DHRS7: variants seen among roughly 807,000 people sequenced by gnomAD.
The protein encoded by DHRS7 is dehydrogenase/reductase SDR family member 7.
DHRS7 carries 34 observed loss-of-function variants against 38.9 expected under a neutral mutation model. The ratio of observed to expected loss-of-function variants is 0.87; its 90% CI spans 0.66 to 1.16. The LOEUF (loss-of-function observed/expected upper bound fraction) is 1.16, where lower values mean the gene tolerates loss of function less well. DHRS7 is among the 50% of genes most tolerant of loss of function. DHRS7 has a pLI of 0.00. For synonymous variants in DHRS7, 158 were observed against 153.1 expected (o/e 1.03, Z -0.24); for missense variants, 421 against 407.0 (o/e 1.03, Z -0.30).
Position 60,153,138 on chromosome 14 carries a change from G to A in DHRS7, c.434C>T (p.Ser145Phe). 1 of 1,614,118 alleles carries A rather than the reference G, an allele frequency of 6.2e-7. No homozygotes were observed. The highest frequency in any genetic ancestry group is 8.5e-7 in the Non-Finnish European group (1 of 1,179,996). The change falls in exon 4 of 7, where the codon TCT becomes TTT. Residue 145 changes from serine to phenylalanine, a missense_variant. Ser to Phe is a radical substitution (Grantham distance 155, BLOSUM62 -2). Coordinates refer to ENST00000557185, the MANE Select transcript of DHRS7 (RefSeq NM_016029.4). The surrounding 1 kb of genome is among the most constrained non-coding windows in gnomAD (Gnocchi z 4.4). ...LVNNGGMSQR[S>F]LCMDTSLDVY... ...ATCCAAGCTGGTATCCATGCACAGA[G>A]AACGCTGGGACATTCCACCATTGTT...
Position 60,149,479 on chromosome 14 carries a change from T to C in DHRS7, c.846A>G (p.Lys282=). 4.3e-6 allele frequency: 7 copies of C among 1,614,190 alleles called. No individual in the cohort carries two copies. The highest frequency in any genetic ancestry group is 5.9e-6 in the Non-Finnish European group (7 of 1,180,030). The change falls in exon 6 of 7, where the codon AAA becomes AAG. Residue 282 remains lysine, a synonymous_variant. Coordinates refer to ENST00000557185, the MANE Select transcript of DHRS7 (RefSeq NM_016029.4). ...LMLISMANDL[K]EVWISEQPFL... is the part of the protein sequence containing the mutation. The stretch of plus-strand genomic sequence containing the variant: ...AAGGTTGTTCTGAGATCCAAACTTC[T>C]TTCAAATCATTGGCCATGCTGATTA...
chr14:60,153,903 A>C lies in DHRS7; in HGVS notation c.393+56T>G. The C allele has an allele frequency of 3.7e-4, 511 of 1,392,142 alleles. No homozygotes were observed. Among genetic ancestry groups the C allele is most frequent in the Non-Finnish European group, 4.8e-4 (471 of 979,226 alleles). 86.2% of individuals were successfully genotyped at this position (1,392,142 alleles called of 1,614,324 possible). On this transcript the variant is annotated intron_variant, in intron 3 of 6. Transcript: ENST00000557185. The surrounding 1 kb of genome is among the most constrained non-coding windows in gnomAD (Gnocchi z 4.4). ...TTTGTATGACAGCACCACGGATGGG[A>C]ATCTCTTCTGCAGTTACTTCAAAGC...
upstream of DHRS7, chr14:60,166,118 C>G (rs1896864226): frequency 1.5e-6 from 1 of 654,294 alleles, no homozygotes; most frequent in Non-Finnish European, 1.9e-6. Context: ...TACTCTAATA[C>G]ACAAAAGAGT....
At position 60,153,916 on chromosome 14, in the gene DHRS7, G is replaced by C. The variant is rs765278184; in HGVS notation, c.393+43C>G. 6.4e-7 allele frequency: 1 copy of C among 1,555,496 alleles called. No homozygotes were observed. The highest frequency in any genetic ancestry group is 8.9e-7 in the Non-Finnish European group (1 of 1,127,358). ...ACCACGGATGGGAATCTCTTCTGCA[G>C]TTACTTCAAAGCAAGACTATATCAA... On this transcript the variant is annotated intron_variant, in intron 3 of 6. Coordinates refer to ENST00000557185, the MANE Select transcript of DHRS7 (RefSeq NM_016029.4). This position sits in a 1 kb window ranked among gnomAD's most constrained non-coding sequence, Gnocchi z 4.4.
chr14:60,157,769 G>T (rs548751129), intron 1 of DHRS7, among the ~76,000 whole-genome samples: 2 of 148,696 alleles, frequency 1.3e-5, no homozygotes, highest in South Asian at 2.2e-4. Context: ...AAACACCCAA[G>T]AACCCTGGCA....
chr14:60,165,590 T>A, upstream of DHRS7: 1 of 1,228,072 alleles, frequency 8.1e-7, no homozygotes. This position sits in a 1 kb window ranked among gnomAD's most constrained non-coding sequence, Gnocchi z 4.6. Flanking sequence ...CTGGGCAACA[T>A]GAGGAAACCC....
chr14:60,150,872 A>G (rs909020366), intron 4 of DHRS7, among the ~76,000 whole-genome samples: 1 of 152,290 alleles, frequency 6.6e-6, no homozygotes, highest in Non-Finnish European at 1.5e-5. Flanking sequence ...CTTCCCATCA[A>G]TGATTTTTAT....
intron 1 of DHRS7, among the ~76,000 whole-genome samples, chr14:60,157,500 A>G (rs773399504): frequency 3.3e-5 from 5 of 152,250 alleles, no homozygotes; most frequent in African/African-American, 1.2e-4. Context: ...AGAGTTACCA[A>G]TTCTAATGGC....
rs961801418 is a variant in DHRS7 at position 60,144,469 on chromosome 14, C to T, written c.*497G>A. 9.7e-5 allele frequency: 15 copies of T among 155,062 alleles called. No homozygotes were observed. Among genetic ancestry groups the T allele is most frequent in the African/African-American group, 3.6e-4 (15 of 41,430 alleles). 9.6% of individuals were successfully genotyped at this position (155,062 alleles called of 1,614,324 possible). On this transcript the variant is annotated 3_prime_UTR_variant, in exon 7 of 7. Transcript: ENST00000557185. ...TTGAAAGCATTTTGCTCCTCTTTCC[C>T]TTCTGTCCCTTCCACCATGTGAGGA... is the stretch of plus-strand genomic sequence containing the variant.
At chr14:60,169,157 A>AAAAAAAAAAAAAAAAAAAC (rs1566539386), upstream of DHRS7, 13 of 150,226 alleles carry the variant, frequency 8.7e-5, 1 homozygote, top group East Asian at 1.5e-3. Flanking sequence ...AAAAAAAAAA[A>AAAAAAAAAAAAAAAAAAAC]AAAACCATTG....
chr14:60,168,649 T>G (rs1222948380), upstream of DHRS7: 4 of 1,518,342 alleles, frequency 2.6e-6, no homozygotes, highest in Non-Finnish European at 3.5e-6. Flanking sequence ...CTAAAACTGA[T>G]CAATGCTTTT....
intron 1 of DHRS7, among the ~76,000 whole-genome samples, chr14:60,157,928 T>G (rs551114779): frequency 3.9e-5 from 6 of 152,164 alleles, no homozygotes; most frequent in Admixed American, 2.6e-4. Context: ...AAGAAAAAGG[T>G]TCCATGTAAA....
In DHRS7 at chr14:60,145,944, A is replaced by G. The variant is rs1896395286; in HGVS notation, c.973-931T>C. ...CAGACTAAAGAAGCAAATTCTAGTT[A>G]ACAAGTACTATTAGCTTGAAATAAG... On this transcript the variant is annotated intron_variant, in intron 6 of 6. Coordinates refer to ENST00000557185, the MANE Select transcript of DHRS7 (RefSeq NM_016029.4). This position sits in a 1 kb window ranked among gnomAD's most constrained non-coding sequence, Gnocchi z 4.0. The G allele has an allele frequency of 6.6e-6, 1 of 151,460 alleles. No homozygotes were observed. 9.4% of individuals were successfully genotyped at this position (151,460 alleles called of 1,614,324 possible).
At chr14:60,155,392 T>A (rs1158388114) in intron 2 of DHRS7, among the ~76,000 whole-genome samples, 1 of 152,168 alleles carries the variant, frequency 6.6e-6, no homozygotes, top group African/African-American at 2.4e-5. Flanking sequence ...GAAGTTGCAA[T>A]GAGCCAAGAT....
At chr14:60,158,232 G>GA (rs34207942) in intron 1 of DHRS7, among the ~76,000 whole-genome samples, 20,527 of 82,364 alleles carry the variant, frequency 0.25, 2,727 homozygotes, top group African/African-American at 0.37. Flanking sequence ...GACTCTGTCG[G>GA]AAAAAAAAAA....
At chr14:60,167,973 G>A (rs1229120779), upstream of DHRS7, among the ~76,000 whole-genome samples, 5 of 152,286 alleles carry the variant, frequency 3.3e-5, no homozygotes, top group Non-Finnish European at 1.5e-5. Flanking sequence ...GTGGAGAGGA[G>A]CTCTGCAATC....
At chr14:60,159,153 A>T (rs190035839) in intron 1 of DHRS7, 41 of 385,662 alleles carry the variant, frequency 1.1e-4, no homozygotes, top group African/African-American at 7.4e-4. Flanking sequence ...CAGCTTATTA[A>T]TCAAGTGTTG....
chr14:60,164,476 G>T (rs969592024), intron 1 of DHRS7, among the ~76,000 whole-genome samples: 1 of 152,082 alleles, frequency 6.6e-6, no homozygotes, highest in African/African-American at 2.4e-5. Context: ...TGCCTACCTT[G>T]TAAGAGTTGT....
At position 60,145,713 on chromosome 14, in the gene DHRS7, T is replaced by G. The variant is rs1270315871; in HGVS notation, c.973-700A>C. 1 of 152,110 alleles carries G rather than the reference T, an allele frequency of 6.6e-6. No homozygotes were observed. Among genetic ancestry groups the G allele is most frequent in the Non-Finnish European group, 1.5e-5 (1 of 68,012 alleles). 9.4% of individuals were successfully genotyped at this position (152,110 alleles called of 1,614,324 possible). ...AGAAAAAAAAATTATTTGTGAACTT[T>G]TTGTATATTGCTTAAGGAATAAAAC... On this transcript the variant is annotated intron_variant, in intron 6 of 6. Transcript: ENST00000557185. The surrounding 1 kb of genome is among the most constrained non-coding windows in gnomAD (Gnocchi z 4.0).
Sources: gnomAD v4.1 joint callset for allele counts (sites outside exome capture counted in the v4.1 genomes callset) on GRCh38, gnomAD v4.1.1 for gene constraint, Gnocchi (gnomAD v3.1) non-coding constraint, MANE v1.5 for transcripts, NCBI Gene and HGNC (gene_info 2026-07-23, HGNC 2026-07-21) for gene names.